The following RIPOR2 variants were observed in gnomAD, a reference collection of about 807,000 sequenced individuals.
RIPOR2 encodes RHO family interacting cell polarization regulator 2.
In RIPOR2, 39 loss-of-function variants were observed where a neutral mutation model predicts 114.5. That is an observed-to-expected ratio of 0.34 (90% CI 0.26 to 0.44). The LOEUF (loss-of-function observed/expected upper bound fraction) is 0.44. RIPOR2 is among the 20% of genes least tolerant of loss of function. The pLI is 1.00. For missense variants in RIPOR2, 1,007 were observed against 1,255.1 expected, an observed-to-expected ratio of 0.80 and a Z score of 2.99; for synonymous variants, 445 against 484.4, an observed-to-expected ratio of 0.92 and a Z score of 1.07.
chr6:24,989,301 C>CTT (rs70974959), intron 1 of RIPOR2, among the ~76,000 whole-genome samples: 2,767 of 145,960 alleles, frequency 0.019, 43 homozygotes, highest in African/African-American at 0.035. Flanking sequence ...TTGTCTTTTT[C>CTT]TTTTTTTTTT....
At chr6:24,940,444 C>T (rs976370776), upstream of RIPOR2, among the ~76,000 whole-genome samples, 4 of 151,434 alleles carry the variant, frequency 2.6e-5, no homozygotes, top group Admixed American at 2.0e-4. Context: ...GCAAAATGTT[C>T]GAAACAGAAA....
At position 24,841,582 on chromosome 6, in the gene RIPOR2, C is replaced by A. The variant is rs531586251; in HGVS notation, c.1857+1280G>T. Among the ~76,000 whole-genome samples the A allele has an allele frequency of 3.3e-5, 5 of 151,170 alleles. No homozygotes were observed. The East Asian group carries it at 7.8e-4, about 24-fold the overall frequency. ...AGCCTTGGAAATGTAGTTTCAGATG[C>A]CACTGGGCAGGCTACATATAAAAAC... On this transcript the variant is annotated intron_variant, in intron 13 of 21. Coordinates refer to ENST00000643898, the MANE Select transcript of RIPOR2 (RefSeq NM_001286445.3).
chr6:24,926,449 C>T (rs1770865975), intron 1 of RIPOR2, among the ~76,000 whole-genome samples: 1 of 152,184 alleles, frequency 6.6e-6, no homozygotes, highest in East Asian at 1.9e-4. Flanking sequence ...AGCAATAGCA[C>T]ATGGGTAAGT....
chr6:24,809,863 G>A lies in RIPOR2; in HGVS notation c.2953-56C>T, dbSNP rs374927083. On this transcript the variant is annotated intron_variant, in intron 20 of 21. Transcript: ENST00000643898. ...TTGACATTTAGGTCTAGAGTACCACGAGACTTGGCATTTCACAACTGGTGG... is the reference window on the plus strand; with the variant it reads ...TTGACATTTAGGTCTAGAGTACCACAAGACTTGGCATTTCACAACTGGTGG... The A allele has an allele frequency of 5.8e-5, 67 of 1,152,558 alleles. 1 individual carries two copies. In the African/African-American group the frequency reaches 6.4e-4, roughly 11 times the overall value. The allele number at this position is 1,152,558 out of a possible 1,614,324, so 71.4% of individuals were successfully genotyped here. A position where few individuals can be genotyped will look rare whatever the true frequency, so the allele number is the denominator to read the frequency against.
At chr6:24,892,638 G>A (rs1767476316) in intron 1 of RIPOR2, among the ~76,000 whole-genome samples, 1 of 152,112 alleles carries the variant, frequency 6.6e-6, no homozygotes, top group Non-Finnish European at 1.5e-5. Flanking sequence ...GGAGTAAGAG[G>A]TGCTGAATCT....
Position 25,026,042 on chromosome 6 carries a change from G to GTT in RIPOR2, c.76+15807_76+15808dup, listed in dbSNP as rs201831119. 8.1e-4 allele frequency among the ~76,000 whole-genome samples: 119 copies of GTT among 146,996 alleles called. 1 individual carries two copies. The highest frequency in any genetic ancestry group is 5.3e-3 in the East Asian group (27 of 5,056). On this transcript the variant is annotated intron_variant, in intron 1 of 13. Transcript: ENST00000510784. Reference sequence around the variant, plus strand: ...CATGAGATTAAAAGTTACAAAGATTGTTGTTTTTTTTTTTTGTTTCTGAGT... The same window carrying GTT: ...CATGAGATTAAAAGTTACAAAGATTGTTTTGTTTTTTTTTTTTGTTTCTGAGT...
At chr6:24,945,641 A>T (rs1772367684) in intron 1 of RIPOR2, among the ~76,000 whole-genome samples, 1 of 152,204 alleles carries the variant, frequency 6.6e-6, no homozygotes, top group African/African-American at 2.4e-5. Flanking sequence ...AGAGGATAAA[A>T]GTTTTTATAT....
At chr6:24,866,814 C>T (rs994838807) in intron 6 of RIPOR2, among the ~76,000 whole-genome samples, 35 of 152,112 alleles carry the variant, frequency 2.3e-4, no homozygotes, top group African/African-American at 8.2e-4. Context: ...TTTGGGGAGG[C>T]ATACTTACCT....
At chr6:24,846,283 C>A (rs1411549876) in intron 12 of RIPOR2, among the ~76,000 whole-genome samples, 2 of 148,270 alleles carry the variant, frequency 1.3e-5, no homozygotes, top group Non-Finnish European at 3.0e-5. Flanking sequence ...AGAGTTTAGC[C>A]TGGTCCTTTT....
At chr6:24,850,522 C>A in intron 10 of RIPOR2, 75 bp downstream of exon 10, 1 of 1,561,358 alleles carries the variant, frequency 6.4e-7, no homozygotes, top group South Asian at 1.1e-5. Flanking sequence ...AGGCAGGGGT[C>A]ACGGGTAAGG....
intron 1 of RIPOR2, among the ~76,000 whole-genome samples, chr6:24,953,634 C>A (rs1241086112): frequency 6.6e-6 from 1 of 152,238 alleles, no homozygotes; most frequent in African/African-American, 2.4e-5. Flanking sequence ...TCATCCTTCT[C>A]TGCTGAAGCG....
chr6:24,868,629 G>T (rs2817746), intron 6 of RIPOR2, among the ~76,000 whole-genome samples: 61,080 of 151,812 alleles, frequency 0.4, 12,923 homozygotes, highest in African/African-American at 0.55. Flanking sequence ...GCCATATGAG[G>T]GAGAGTGGAA....
At chr6:24,997,724 A>G (rs1775106968) in intron 1 of RIPOR2, among the ~76,000 whole-genome samples, 1 of 152,210 alleles carries the variant, frequency 6.6e-6, no homozygotes, top group African/African-American at 2.4e-5. Context: ...CCATTGATAT[A>G]GAGCTCAGTG....
At chr6:24,856,845 G>T (rs1763519177) in intron 8 of RIPOR2, among the ~76,000 whole-genome samples, 1 of 152,146 alleles carries the variant, frequency 6.6e-6, no homozygotes, top group South Asian at 2.1e-4. Context: ...AAAAGAAACT[G>T]ATCTGACATT....
intron 1 of RIPOR2, among the ~76,000 whole-genome samples, chr6:25,032,864 A>G (rs1581989648): frequency 1.3e-5 from 2 of 152,228 alleles, no homozygotes; most frequent in East Asian, 3.8e-4. Context: ...ATTTATTGAC[A>G]TAAAAAGGTA....
At chr6:24,918,383 G>C (rs1304742886) in intron 1 of RIPOR2, among the ~76,000 whole-genome samples, 1 of 152,016 alleles carries the variant, frequency 6.6e-6, no homozygotes, top group Non-Finnish European at 1.5e-5. Flanking sequence ...TTCTTCTTCA[G>C]GTAGCTCCTT....
At chr6:24,832,473 G>T in intron 15 of RIPOR2, 82 bp from the exon 16 acceptor site, 1 of 1,256,654 alleles carries the variant, frequency 8.0e-7, no homozygotes. Context: ...CTTCCTGAAT[G>T]TGGTGATGAT....
At chr6:24,938,282 C>T (rs998449165), upstream of RIPOR2, among the ~76,000 whole-genome samples, 3 of 152,096 alleles carry the variant, frequency 2.0e-5, no homozygotes, top group Non-Finnish European at 4.4e-5. Context: ...AGCCAAGGAA[C>T]ACCAAAGACT....
chr6:25,004,452 T>A (rs1394628272), intron 1 of RIPOR2, among the ~76,000 whole-genome samples: 4 of 152,336 alleles, frequency 2.6e-5, no homozygotes, highest in Admixed American at 2.6e-4. Context: ...TTCTCCTTTA[T>A]GTTCACCATT....
Sources: gnomAD v4.1 joint callset for allele counts (sites outside exome capture counted in the v4.1 genomes callset) on GRCh38, gnomAD v4.1.1 for gene constraint, MANE v1.5 for transcripts, NCBI Gene and HGNC (gene_info 2026-07-23, HGNC 2026-07-21) for gene names.